The following KIZ variants were observed in gnomAD, a reference collection of about 807,000 sequenced individuals.
KIZ encodes kizuna centrosomal protein.
A neutral mutation model predicts 79.6 loss-of-function variants in KIZ; 68 were observed. The ratio of observed to expected loss-of-function variants is 0.85; its 90% CI spans 0.70 to 1.05. The LOEUF (loss-of-function observed/expected upper bound fraction) is 1.05. Ranked by LOEUF, KIZ falls within the 50% of genes least tolerant of loss-of-function variation. KIZ has a pLI of 0.00. For synonymous variants in KIZ, 280 were observed against 281.8 expected (o/e 0.99, Z 0.06); for missense variants, 797 against 800.4 (o/e 1.00, Z 0.05).
chr20:21,162,784 G>T, intron 5 of KIZ, 66 bp from the exon 6 acceptor site: 1 of 1,265,550 alleles, frequency 7.9e-7, no homozygotes, highest in East Asian at 2.4e-5. Flanking sequence ...GAGTAATTCT[G>T]CTGTGTGTTA....
intron 6 of KIZ, among the ~76,000 whole-genome samples, chr20:21,177,232 A>G (rs959383575): frequency 2.6e-5 from 4 of 152,144 alleles, no homozygotes; most frequent in African/African-American, 9.7e-5. Flanking sequence ...CAGTTTCTCT[A>G]CATCTTTGCC....
intron 6 of KIZ, among the ~76,000 whole-genome samples, chr20:21,164,832 A>G (rs925234282): frequency 4.6e-5 from 7 of 152,044 alleles, no homozygotes; most frequent in Admixed American, 1.3e-4. Context: ...ATTTCTCTTA[A>G]TAAAATGCCC....
intron 4 of KIZ, among the ~76,000 whole-genome samples, chr20:21,160,149 A>C (rs1022703283): frequency 6.6e-6 from 1 of 152,154 alleles, no homozygotes; most frequent in Non-Finnish European, 1.5e-5. Flanking sequence ...CCTCCTTCGC[A>C]GTTCCTCAGT....
chr20:21,226,548 G>A (rs1021296414), intron 9 of KIZ, among the ~76,000 whole-genome samples: 3 of 152,122 alleles, frequency 2.0e-5, no homozygotes, highest in Admixed American at 1.3e-4. Context: ...TAGGGAGAGC[G>A]ACTCCATCTC....
At chr20:21,231,175 A>G (rs1384204968) in intron 10 of KIZ, among the ~76,000 whole-genome samples, 2 of 152,186 alleles carry the variant, frequency 1.3e-5, no homozygotes, top group African/African-American at 2.4e-5. Context: ...TACTAAAAAT[A>G]CAAAAATTAG....
chr20:21,214,646 A>G lies in KIZ; in HGVS notation c.1558A>G (p.Ile520Val). The G allele has an allele frequency of 1.9e-6, 3 of 1,613,070 alleles. No homozygotes were observed. Among genetic ancestry groups the G allele is most frequent in the Middle Eastern group, 1.6e-4 (1 of 6,062 alleles). The stretch of plus-strand genomic sequence containing the variant: ...ATCTATTCTGAATGACAATAGTGGA[A>G]TAAAGGAAGCCAAACCTGCTGTATG... ...LPSILNDNSGIKEAKPAVWLN... is the reference protein window; with the variant it reads ...LPSILNDNSGVKEAKPAVWLN... The change falls in exon 8 of 13, where the codon ATA (isoleucine) becomes GTA (valine). Residue 520 changes from isoleucine (I) to valine (V), a missense_variant. Ile to Val is a conservative substitution (Grantham distance 29). Transcript: ENST00000619189.
intron 6 of KIZ, among the ~76,000 whole-genome samples, chr20:21,199,382 A>AT (rs1004553333): frequency 2.0e-5 from 3 of 152,218 alleles, no homozygotes; most frequent in African/African-American, 7.2e-5. Context: ...TACCACAGTC[A>AT]TTTTTTAGAG....
At chr20:21,236,969 A>G (rs2037028713) in intron 11 of KIZ, among the ~76,000 whole-genome samples, 1 of 147,906 alleles carries the variant, frequency 6.8e-6, no homozygotes, top group Admixed American at 6.8e-5. Flanking sequence ...CAATGCACTC[A>G]TCTGGGCAAT....
chr20:21,127,829 G>C (rs1439227919), intron 1 of KIZ, among the ~76,000 whole-genome samples: 1 of 152,126 alleles, frequency 6.6e-6, no homozygotes, highest in African/African-American at 2.4e-5. Context: ...TTCTTTACCA[G>C]GAATGAGGGG....
In KIZ at chr20:21,232,759, C is replaced by T. The variant is rs34011504; in HGVS notation, c.1809C>T (p.Phe603=). The T allele has an allele frequency of 1.6e-3, 2,534 of 1,588,976 alleles. 41 individuals are homozygous for T. In the African/African-American group the frequency reaches 0.031, roughly 19 times the overall value. The change falls in exon 11 of 13, where the codon TTC becomes TTT. Residue 603 remains phenylalanine (F), a synonymous_variant. Transcript: ENST00000619189. ...LSGLNIGSGA[F]ETKTANKIAS... is the part of the protein sequence containing the mutation. The stretch of plus-strand genomic sequence containing the variant: ...GTTTGAATATTGGCAGCGGTGCATT[C>T]GAGACAAAGACAGCTAACAAAATTG...
Position 21,132,193 on chromosome 20 carries a change from A to G in KIZ, c.152+34A>G, listed in dbSNP as rs370981832. On this transcript the variant is annotated intron_variant, in intron 2 of 12. Transcript: ENST00000619189. ...CGACAGTGGGAACAGTTTTCAAGCC[A>G]GGTTCCATATATTAATCAAAAATGT... The G allele has an allele frequency of 3.8e-3, 3,874 of 1,028,814 alleles. 13 individuals carry two copies. The highest frequency in any genetic ancestry group is 4.9e-3 in the Non-Finnish European group (3,370 of 694,182). The allele number at this position is 1,028,814 out of a possible 1,614,324, so 63.7% of individuals were successfully genotyped here. A position where few individuals can be genotyped will look rare whatever the true frequency, so the allele number is the denominator to read the frequency against.
rs1418000349 is a variant in KIZ at position 21,161,912 on chromosome 20, A to G, written c.447A>G (p.Ser149=). Reference sequence around the variant, plus strand: ...GGATTAACTCAGGAACAGCCATGTCAAGAGGATTGTATCAACCAGCAACAA... The same window carrying G: ...GGATTAACTCAGGAACAGCCATGTCGAGAGGATTGTATCAACCAGCAACAA... ...HEGINSGTAM[S]RGLYQPATIF... is the part of the protein sequence containing the mutation. Residue 149 remains serine (S), a synonymous_variant, in exon 5 of 13, where the codon TCA becomes TCG. Coordinates refer to ENST00000619189, the MANE Select transcript of KIZ (RefSeq NM_018474.6). The G allele has an allele frequency of 2.5e-6, 4 of 1,613,522 alleles. No homozygotes were observed. The highest frequency in any genetic ancestry group is 3.4e-6 in the Non-Finnish European group (4 of 1,179,502).
At chr20:21,148,090 C>T (rs1053585216) in intron 4 of KIZ, among the ~76,000 whole-genome samples, 7 of 151,430 alleles carry the variant, frequency 4.6e-5, no homozygotes, top group Non-Finnish European at 7.4e-5. Flanking sequence ...CAGGATGAGC[C>T]TGGGGAGGAG....
chr20:21,169,568 C>T (rs892676003), intron 6 of KIZ, among the ~76,000 whole-genome samples: 1 of 152,178 alleles, frequency 6.6e-6, no homozygotes, highest in Non-Finnish European at 1.5e-5. Context: ...ACCCAGCTAT[C>T]CCATTACTGG....
chr20:21,134,748 C>A (rs1211469368), intron 2 of KIZ, among the ~76,000 whole-genome samples: 6 of 149,550 alleles, frequency 4.0e-5, no homozygotes, highest in Non-Finnish European at 8.9e-5. Context: ...CTCACTGCAG[C>A]CTCTGCCTCC....
intron 11 of KIZ, among the ~76,000 whole-genome samples, chr20:21,239,581 G>C (rs530283830): frequency 6.6e-6 from 1 of 152,270 alleles, no homozygotes; most frequent in East Asian, 1.9e-4. Flanking sequence ...GTCTTTACTT[G>C]TTGGCTCCAC....
chr20:21,131,871 T>C (rs1265109369), intron 1 of KIZ: 3 of 351,252 alleles, frequency 8.5e-6, no homozygotes, highest in Non-Finnish European at 1.6e-5. Context: ...TAGATTTCCC[T>C]GGCGACTGCT....
At chr20:21,157,269 CTTTTAT>C (rs2033430684) in intron 4 of KIZ, among the ~76,000 whole-genome samples, 1 of 152,026 alleles carries the variant, frequency 6.6e-6, no homozygotes, top group African/African-American at 2.4e-5. Flanking sequence ...CGTCCACAGA[CTTTTAT>C]TTTTACACAT....
intron 3 of KIZ, among the ~76,000 whole-genome samples, chr20:21,140,163 G>A (rs1226469745): frequency 6.6e-6 from 1 of 152,184 alleles, no homozygotes; most frequent in Non-Finnish European, 1.5e-5. Flanking sequence ...GAGTCCAGAG[G>A]TGGCCCAGGT....
Sources: gnomAD v4.1 joint callset for allele counts (sites outside exome capture counted in the v4.1 genomes callset) on GRCh38, gnomAD v4.1.1 for gene constraint, MANE v1.5 for transcripts, NCBI Gene and HGNC (gene_info 2026-07-23, HGNC 2026-07-21) for gene names.